KIZ: variants seen among roughly 807,000 people sequenced by gnomAD.
KIZ encodes the protein kizuna centrosomal protein.
Under a neutral mutation model 79.6 loss-of-function variants are expected in KIZ, and 68 were observed. The ratio of observed to expected loss-of-function variants is 0.85; its 90% CI spans 0.70 to 1.05. The LOEUF (loss-of-function observed/expected upper bound fraction) is 1.05, where lower values mean the gene tolerates loss of function less well. KIZ is among the 50% of genes least tolerant of loss of function. The pLI is 0.00. For synonymous variants in KIZ, 280 were observed against 281.8 expected (o/e 0.99, Z 0.06); for missense variants, 797 against 800.4 (o/e 1.00, Z 0.05).
chr20:21,191,896 A>G (rs1419559789), intron 6 of KIZ, among the ~76,000 whole-genome samples: 1 of 151,482 alleles, frequency 6.6e-6, no homozygotes, highest in Non-Finnish European at 1.5e-5. Flanking sequence ...CAGTAAAAGG[A>G]GTTTAGTGAG....
At chr20:21,205,292 C>T (rs919767254) in intron 6 of KIZ, among the ~76,000 whole-genome samples, 199 bp from the exon 7 acceptor site, 2 of 152,042 alleles carry the variant, frequency 1.3e-5, no homozygotes, top group African/African-American at 2.4e-5. Context: ...TGAGAATGCT[C>T]ATTTAGCAAT....
At chr20:21,203,800 TA>T (rs998241453) in intron 6 of KIZ, among the ~76,000 whole-genome samples, 3 of 151,588 alleles carry the variant, frequency 2.0e-5, no homozygotes, top group Admixed American at 6.6e-5. Context: ...TACTGTGGTT[TA>T]AAAAAAAACA....
rs768101099 is a variant in KIZ, at chr20:21,205,487, A to G, written c.1353-4A>G. 1.4e-6 allele frequency: 2 copies of G among 1,389,360 alleles called. No homozygotes were observed. Among genetic ancestry groups the G allele is most frequent in the Non-Finnish European group, 2.0e-6 (2 of 997,916 alleles). The allele number at this position is 1,389,360 out of a possible 1,614,324, so 86.1% of individuals were successfully genotyped here. On this transcript the variant is annotated splice_polypyrimidine_tract_variant and splice_region_variant and intron_variant, in intron 6 of 12. Coordinates refer to ENST00000619189, the MANE Select transcript of KIZ (RefSeq NM_018474.6). Reference sequence around the variant, plus strand: ...ATAGTGAGTGTCCTGTTTCTGTTTTATAGACCTGGACAAACACCAGACTCA... The same window carrying G: ...ATAGTGAGTGTCCTGTTTCTGTTTTGTAGACCTGGACAAACACCAGACTCA...
At chr20:21,194,072 G>A (rs932390929) in intron 6 of KIZ, 3 of 152,210 alleles carry the variant, frequency 2.0e-5, no homozygotes, top group Non-Finnish European at 4.4e-5. Context: ...ATAGCCTGGA[G>A]TGGAGTTGTC....
At chr20:21,187,124 C>T (rs1379527037) in intron 6 of KIZ, among the ~76,000 whole-genome samples, 3 of 151,750 alleles carry the variant, frequency 2.0e-5, no homozygotes, top group Admixed American at 6.6e-5. Flanking sequence ...TAAAAAAAAA[C>T]ACAATTCAAA....
rs201587145 is a variant in KIZ, at chr20:21,242,876, T to A, written c.1881-1369T>A. On this transcript the variant is annotated intron_variant, in intron 11 of 12. Coordinates refer to ENST00000619189, the MANE Select transcript of KIZ (RefSeq NM_018474.6). ...TCTCCATCCACCCAGCTGGCAGAGA[T>A]CTCTCCTGCTCCCCCTGTGGCTCTT... Among the ~76,000 whole-genome samples the A allele has an allele frequency of 2.6e-5, 4 of 152,248 alleles. No homozygotes were observed. In the East Asian group the frequency reaches 7.7e-4, roughly 29 times the overall value.
chr20:21,164,082 G>A (rs192571157), intron 6 of KIZ, among the ~76,000 whole-genome samples: 1 of 152,262 alleles, frequency 6.6e-6, no homozygotes, highest in African/African-American at 2.4e-5. Context: ...TCACACCACT[G>A]CCCCACCCCC....
intron 11 of KIZ, among the ~76,000 whole-genome samples, chr20:21,234,476 G>C (rs2036936038): frequency 6.6e-6 from 1 of 152,048 alleles, no homozygotes; most frequent in South Asian, 2.1e-4. Flanking sequence ...GTCACGGTTT[G>C]GTTCTTGTGC....
At position 21,234,773 on chromosome 20, in the gene KIZ, TAAAAAAAAAAA is replaced by T. The variant is rs537068910; in HGVS notation, c.1880+1954_1880+1964del. 6.2e-5 allele frequency among the ~76,000 whole-genome samples: 6 copies of T among 97,198 alleles called. No homozygotes were observed. In the South Asian group the frequency reaches 2.1e-3, roughly 35 times the overall value. 63.8% of individuals were successfully genotyped at this position (97,198 alleles called of 152,430 possible). On this transcript the variant is annotated intron_variant, in intron 11 of 12. Coordinates refer to ENST00000619189, the MANE Select transcript of KIZ (RefSeq NM_018474.6). ...AGAAAAAAAAAAAACCCACTGGACC[TAAAAAAAAAAA>T]AAAAAAAAAATGGCTTCCTCTGATG...
chr20:21,205,385 G>T, intron 6 of KIZ, 106 bp from the exon 7 acceptor site: 1 of 525,928 alleles, frequency 1.9e-6, no homozygotes. Context: ...TTGAGTTCCA[G>T]ACTTCTGGAT....
At chr20:21,177,375 A>G (rs1458828880) in intron 6 of KIZ, among the ~76,000 whole-genome samples, 3 of 152,108 alleles carry the variant, frequency 2.0e-5, no homozygotes, top group Non-Finnish European at 2.9e-5. Context: ...TATATGTTTT[A>G]TGGAGACGTT....
At chr20:21,174,062 A>G (rs922977912) in intron 6 of KIZ, among the ~76,000 whole-genome samples, 2 of 152,180 alleles carry the variant, frequency 1.3e-5, no homozygotes, top group Non-Finnish European at 2.9e-5. Flanking sequence ...GTTGTGCTGC[A>G]GGTGCCAAGT....
chr20:21,191,737 G>A (rs6047306), intron 6 of KIZ, among the ~76,000 whole-genome samples: 4 of 152,068 alleles, frequency 2.6e-5, no homozygotes, highest in African/African-American at 9.6e-5. Context: ...CATCCAGAAA[G>A]GAACTTACAC....
At chr20:21,172,688 G>A (rs2034263413) in intron 6 of KIZ, among the ~76,000 whole-genome samples, 1 of 152,130 alleles carries the variant, frequency 6.6e-6, no homozygotes, top group Admixed American at 6.6e-5. Context: ...AAGATAGTGG[G>A]GAAAGGTCTC....
At position 21,170,129 on chromosome 20, in the gene KIZ, G is replaced by T. The variant is rs551229984; in HGVS notation, c.1352+6970G>T. Among the ~76,000 whole-genome samples, 9 of 151,828 alleles carry T rather than the reference G, an allele frequency of 5.9e-5. No individual in the cohort carries two copies. In the South Asian group the frequency reaches 6.3e-4, roughly 11 times the overall value. ...ATGTGTAAGTCTGTTTTTGGTATGGGGTTATTTAGTTTTTAAATTTTAAAT... is the reference window on the plus strand; with the variant it reads ...ATGTGTAAGTCTGTTTTTGGTATGGTGTTATTTAGTTTTTAAATTTTAAAT... On this transcript the variant is annotated intron_variant, in intron 6 of 12. Transcript: ENST00000619189.
rs531825447 is a variant in KIZ, at chr20:21,220,835, A to G, written c.1678+5187A>G. Among the ~76,000 whole-genome samples, 132 of 152,356 alleles carry G rather than the reference A, an allele frequency of 8.7e-4. No homozygotes were observed. In the South Asian group the frequency reaches 0.021, roughly 24 times the overall value. On this transcript the variant is annotated intron_variant, in intron 9 of 12. Coordinates refer to ENST00000619189, the MANE Select transcript of KIZ (RefSeq NM_018474.6). Reference sequence around the variant, plus strand: ...CAACTGCATCAGGATGTCCGGATCAATTAAACATCAGTGTACATCATAACA... The same window carrying G: ...CAACTGCATCAGGATGTCCGGATCAGTTAAACATCAGTGTACATCATAACA...
chr20:21,147,592 G>C (rs940856909), intron 4 of KIZ, among the ~76,000 whole-genome samples: 5 of 152,146 alleles, frequency 3.3e-5, no homozygotes, highest in African/African-American at 1.2e-4. Flanking sequence ...TACAGTCACT[G>C]GTTGAATCAA....
At chr20:21,167,101 C>T (rs556206899) in intron 6 of KIZ, among the ~76,000 whole-genome samples, 16 of 152,306 alleles carry the variant, frequency 1.1e-4, no homozygotes, top group South Asian at 4.1e-4. Context: ...ACTGCATCTC[C>T]AGCAGACACC....
intron 6 of KIZ, chr20:21,166,152 T>TG: frequency 1.2e-6 from 1 of 800,686 alleles, no homozygotes; most frequent in Non-Finnish European, 1.9e-6. Context: ...TTTTGTATTT[T>TG]TTTTTTTTTT....
Sources: gnomAD v4.1 joint callset for allele counts (sites outside exome capture counted in the v4.1 genomes callset) on GRCh38, gnomAD v4.1.1 for gene constraint, MANE v1.5 for transcripts, NCBI Gene and HGNC (gene_info 2026-07-23, HGNC 2026-07-21) for gene names.